The following CLVS1 variants were observed in gnomAD, a reference collection of about 807,000 sequenced individuals.
The protein encoded by CLVS1 is clavesin 1, also known as clavesin-1.
Under a neutral mutation model 33.1 loss-of-function variants are expected in CLVS1, and 10 were observed. The observed-to-expected ratio is 0.30, with a 90% CI of 0.19 to 0.51. The LOEUF (loss-of-function observed/expected upper bound fraction) is 0.51. Among genes scored for constraint, CLVS1 ranks in the 20% least tolerant of loss-of-function variants. The pLI is 0.97. For synonymous variants in CLVS1, 163 were observed against 166.1 expected (o/e 0.98, Z 0.14); for missense variants, 343 against 433.4 (o/e 0.79, Z 1.85).
intron 5 of CLVS1, among the ~76,000 whole-genome samples, chr8:61,481,060 G>A (rs1164499764): frequency 2.0e-5 from 3 of 152,140 alleles, no homozygotes; most frequent in Non-Finnish European, 4.4e-5. Flanking sequence ...TAGAGGAAAG[G>A]AAAGGAAACT....
At chr8:61,063,115 A>G (rs111412259) in intron 1 of CLVS1, among the ~76,000 whole-genome samples, 296 of 152,306 alleles carry the variant, frequency 1.9e-3, no homozygotes, top group Non-Finnish European at 3.3e-3. Context: ...AGAGCCAGAG[A>G]TCTTAAAACC....
intron 5 of CLVS1, among the ~76,000 whole-genome samples, chr8:61,487,472 G>A (rs149778204): frequency 5.9e-5 from 9 of 152,300 alleles, no homozygotes; most frequent in African/African-American, 2.2e-4. Flanking sequence ...GTAAAATGCT[G>A]TCTCCTACAT....
intron 2 of CLVS1, among the ~76,000 whole-genome samples, chr8:61,203,789 G>T (rs1238685600): frequency 1.3e-5 from 2 of 152,054 alleles, no homozygotes; most frequent in African/African-American, 4.8e-5. Context: ...ATTTCTACTT[G>T]CCCCTTACAC....
chr8:61,122,207 G>C (rs1031123401), intron 1 of CLVS1, among the ~76,000 whole-genome samples: 13 of 152,306 alleles, frequency 8.5e-5, no homozygotes, highest in African/African-American at 3.1e-4. Flanking sequence ...TAAGTACAGA[G>C]CAAGATAAGA....
rs1327314886 is a variant in CLVS1 at position 61,123,250 on chromosome 8, CAA to C, written c.-242-8519_-242-8518del. Among the ~76,000 whole-genome samples, 31 of 146,016 alleles carry C rather than the reference CAA, an allele frequency of 2.1e-4. 6 individuals carry two copies. The highest frequency in any genetic ancestry group is 7.8e-4 in the African/African-American group (31 of 39,856). On this transcript the variant is annotated intron_variant, in intron 1 of 2. Transcript: ENST00000522621. ...CACCATTGCACTCCAGCCTGGGAAA[CAA>C]GAGTGAAACTCTGTCTCAAAATAAT... is the stretch of plus-strand genomic sequence containing the variant.
intron 2 of CLVS1, among the ~76,000 whole-genome samples, chr8:61,213,763 T>A (rs1808023172): frequency 6.6e-6 from 1 of 152,164 alleles, no homozygotes; most frequent in East Asian, 1.9e-4. Flanking sequence ...CAATATTAAA[T>A]CTGGGCACTT....
rs978051280 is a variant in CLVS1, at chr8:61,138,720, G to A, written c.-152+6860G>A. 3.9e-5 allele frequency among the ~76,000 whole-genome samples: 6 copies of A among 152,132 alleles called. No individual in the cohort carries two copies. In the East Asian group the frequency reaches 9.6e-4, roughly 24 times the overall value. On this transcript the variant is annotated intron_variant, in intron 2 of 2. Coordinates refer to the CLVS1 transcript ENST00000522621. ...GGTATCATGGACCGAGCCAGAGAAG[G>A]GGGAGAGCAGCAGGCTCCCAGGAAG...
intron 2 of CLVS1, among the ~76,000 whole-genome samples, chr8:61,347,854 G>A (rs1378802385): frequency 6.6e-6 from 1 of 151,184 alleles, no homozygotes; most frequent in African/African-American, 2.4e-5. Context: ...CCTACCTACT[G>A]TTTTCCATAA....
intron 2 of CLVS1, among the ~76,000 whole-genome samples, chr8:61,345,638 A>ATGTG (rs1004446368): frequency 0.042 from 5,518 of 130,434 alleles, 110 homozygotes; most frequent in Admixed American, 0.055. Flanking sequence ...GTGTGTGTGT[A>ATGTG]TGTGTGTGTG....
chr8:61,215,932 C>T (rs1283010292), intron 2 of CLVS1, among the ~76,000 whole-genome samples: 5 of 152,100 alleles, frequency 3.3e-5, no homozygotes, highest in Non-Finnish European at 1.5e-5. Context: ...TTTCTTGGAT[C>T]CTTTCCAAGG....
intron 2 of CLVS1, among the ~76,000 whole-genome samples, chr8:61,320,484 A>G (rs1370743300): frequency 6.6e-6 from 1 of 152,210 alleles, no homozygotes; most frequent in Non-Finnish European, 1.5e-5. Flanking sequence ...TACAGTAAAT[A>G]CAAAATTAGT....
chr8:61,220,090 T>G (rs1191102933), intron 2 of CLVS1, among the ~76,000 whole-genome samples: 3 of 152,184 alleles, frequency 2.0e-5, no homozygotes, highest in Non-Finnish European at 4.4e-5. Flanking sequence ...CCCATTGCAT[T>G]TCTCCCATTC....
At chr8:61,253,097 C>T (rs1808987809) in intron 2 of CLVS1, among the ~76,000 whole-genome samples, 1 of 152,198 alleles carries the variant, frequency 6.6e-6, no homozygotes, top group East Asian at 1.9e-4. Context: ...CCTTCAGGAG[C>T]TCTTTTAGGG....
intron 3 of CLVS1, among the ~76,000 whole-genome samples, chr8:61,381,012 A>T (rs530801291): frequency 3.9e-4 from 59 of 152,212 alleles, no homozygotes; most frequent in African/African-American, 1.4e-3. Context: ...GATTTAGAGA[A>T]GTGTATTTTT....
At chr8:61,391,582 T>C (rs1442370225) in intron 3 of CLVS1, among the ~76,000 whole-genome samples, 4 of 152,236 alleles carry the variant, frequency 2.6e-5, no homozygotes, top group African/African-American at 7.2e-5. Flanking sequence ...AATTTAAAGA[T>C]GTTTAATGGA....
intron 3 of CLVS1, among the ~76,000 whole-genome samples, chr8:61,389,094 C>A (rs1319642520): frequency 6.6e-6 from 1 of 152,124 alleles, no homozygotes; most frequent in Non-Finnish European, 1.5e-5. Flanking sequence ...CTTAAGAAAA[C>A]CCCTCAAACT....
intron 1 of CLVS1, among the ~76,000 whole-genome samples, chr8:61,117,406 A>G (rs1178683039): frequency 1.3e-5 from 2 of 151,864 alleles, no homozygotes; most frequent in African/African-American, 2.4e-5. Context: ...TTTCAACACT[A>G]TGTTGAATAG....
the CLVS1 span, among the ~76,000 whole-genome samples, chr8:61,011,030 G>A: frequency 2.0e-5 from 3 of 152,162 alleles, no homozygotes; most frequent in Non-Finnish European, 4.4e-5. Context: ...TTCCTTCCAC[G>A]CCTGTCCCGT....
chr8:61,265,216 G>A (rs1005536103), intron 2 of CLVS1, among the ~76,000 whole-genome samples: 7 of 152,120 alleles, frequency 4.6e-5, no homozygotes, highest in African/African-American at 1.7e-4. Context: ...TCCCATCAAG[G>A]CTTATTTATC....
Sources: allele counts gnomAD v4.1 joint callset (sites outside exome capture counted in the v4.1 genomes callset), GRCh38; gene constraint gnomAD v4.1.1; transcripts MANE v1.5; gene names NCBI Gene and HGNC (gene_info 2026-07-23, HGNC 2026-07-21).